ARAP3: variants seen among roughly 807,000 people sequenced by gnomAD.
The protein encoded by ARAP3 is ArfGAP with RhoGAP domain, ankyrin repeat and PH domain 3.
In ARAP3, 82 loss-of-function variants were observed where a neutral mutation model predicts 169.2. That is an observed-to-expected ratio of 0.48 (90% CI 0.41 to 0.58). The LOEUF (loss-of-function observed/expected upper bound fraction) is 0.58, where lower values mean the gene tolerates loss of function less well. Ranked by LOEUF, ARAP3 falls within the 20% of genes least tolerant of loss-of-function variation. The probability of loss-of-function intolerance (pLI) is 0.00; values close to 1 mark genes in which losing one functional copy is unlikely to be tolerated. For synonymous variants in ARAP3, 791 were observed against 800.3 expected (o/e 0.99, Z 0.20); for missense variants, 1,764 against 2,018.0 (o/e 0.87, Z 2.41).
chr5:141,660,493 CAAAAAAAAA>C (rs549366104), intron 21 of ARAP3, among the ~76,000 whole-genome samples: 1 of 91,334 alleles, frequency 1.1e-5, no homozygotes, highest in South Asian at 3.4e-4. Flanking sequence ...GACTCCGTCT[CAAAAAAAAA>C]AAAAAAGAAA....
At position 141,671,659 on chromosome 5, in the gene ARAP3, G is replaced by C; in HGVS notation, c.1765C>G (p.Pro589Ala). 6.2e-7 allele frequency: 1 copy of C among 1,613,986 alleles called. No individual in the cohort carries two copies. The highest frequency in any genetic ancestry group is 8.5e-7 in the Non-Finnish European group (1 of 1,179,936). ...EGLHPDATPG[P>A]RGEFISRKYR... Reference sequence around the variant, plus strand: ...TTTCGGGAGATGAACTCTCCCCGGGGGCCAGGGGTCGCATCTGGATGTAGT... The same window carrying C: ...TTTCGGGAGATGAACTCTCCCCGGGCGCCAGGGGTCGCATCTGGATGTAGT... The change falls in exon 12 of 33, where the codon CCC (proline) becomes GCC (alanine). Residue 589 changes from proline (P) to alanine (A), a missense_variant. Physicochemically the swap from Pro to Ala is conservative, Grantham distance 27. Coordinates refer to ENST00000239440, the MANE Select transcript of ARAP3 (RefSeq NM_022481.6). The surrounding 1 kb of genome is among the most constrained non-coding windows in gnomAD (Gnocchi z 4.9).
chr5:141,666,039 C>CAAAAAA (rs764552450), intron 17 of ARAP3, among the ~76,000 whole-genome samples: 8 of 116,262 alleles, frequency 6.9e-5, no homozygotes, highest in East Asian at 5.1e-4. Context: ...ACTCTGTCTC[C>CAAAAAA]AAAAAAAAAA....
At chr5:141,669,840 G>A (rs3763120) in intron 15 of ARAP3, 29 bp from the exon 16 acceptor site, 713,248 of 1,613,216 alleles carry the variant, frequency 0.44, 159,087 homozygotes, top group Admixed American at 0.54. Context: ...CAGGGAGGAG[G>A]ATGGGACCAA....
rs1310080289 is a variant in ARAP3 at position 141,655,669 on chromosome 5, G to T, written c.4062C>A (p.Ile1354=). 8 of 1,614,102 alleles carry T rather than the reference G, an allele frequency of 5.0e-6. No homozygotes were observed. The South Asian group carries it at 8.8e-5, about 18-fold the overall frequency. Residue 1354 remains isoleucine (I), a synonymous_variant, in exon 31 of 33, where the codon ATC becomes ATA. Transcript: ENST00000239440. ...QKFGTMPLLP[I]RGDDSGATLL... is the part of the protein sequence containing the mutation. ...GGGTGGCTCCACTGTCATCCCCACG[G>T]ATAGGCAGCAAAGGCATAGTGCCAA...
chr5:141,669,230 A>G (rs1360390665), intron 16 of ARAP3, among the ~76,000 whole-genome samples: 4 of 152,212 alleles, frequency 2.6e-5, no homozygotes, highest in African/African-American at 9.6e-5. Flanking sequence ...TGGGAATGGC[A>G]TACAGGAGAG....
chr5:141,663,434 C>T (rs1268867839), intron 19 of ARAP3, among the ~76,000 whole-genome samples: 1 of 152,220 alleles, frequency 6.6e-6, no homozygotes, highest in African/African-American at 2.4e-5. Flanking sequence ...GGATTACAGG[C>T]ACCCGCCACC....
At position 141,671,427 on chromosome 5, in the gene ARAP3, GC is replaced by G. The variant is rs766551605; in HGVS notation, c.1855-28del. ...TGCAGGGAGGGAAGGGCCTCTGTCA[GC>G]CCCAAATCCCAAACTGAGAGCACTG... On this transcript the variant is annotated intron_variant, in intron 12 of 32. Coordinates refer to ENST00000239440, the MANE Select transcript of ARAP3 (RefSeq NM_022481.6). The surrounding 1 kb of genome is among the most constrained non-coding windows in gnomAD (Gnocchi z 4.9). 7 of 1,597,872 alleles carry G rather than the reference GC, an allele frequency of 4.4e-6. No homozygotes were observed. The highest frequency in any genetic ancestry group is 6.0e-6 in the Non-Finnish European group (7 of 1,171,366).
chr5:141,664,477 C>T (rs1261627249), intron 19 of ARAP3, among the ~76,000 whole-genome samples: 1 of 152,164 alleles, frequency 6.6e-6, no homozygotes. Context: ...AAACCTCCCA[C>T]ACAGAATAAT....
At position 141,673,382 on chromosome 5, in the gene ARAP3, A is replaced by G; in HGVS notation, c.972+19T>C. The G allele has an allele frequency of 6.2e-7, 1 of 1,613,410 alleles. No homozygotes were observed. The highest frequency in any genetic ancestry group is 8.5e-7 in the Non-Finnish European group (1 of 1,179,820). On this transcript the variant is annotated intron_variant, in intron 6 of 32. Transcript: ENST00000239440. The stretch of plus-strand genomic sequence containing the variant: ...CCCTCTCCCTCATCTCCATATCGTC[A>G]CATCTCCCAGCCCCCCACCTTGTCA...
chr5:141,660,288 C>T (rs908699344), intron 21 of ARAP3, among the ~76,000 whole-genome samples: 1 of 151,880 alleles, frequency 6.6e-6, no homozygotes, highest in Admixed American at 6.6e-5. Flanking sequence ...GTCAGGAGAT[C>T]GAGACCATCC....
At position 141,672,528 on chromosome 5, in the gene ARAP3, G is replaced by GCCTC. The variant is rs891707781; in HGVS notation, c.1385+20_1385+23dup. On this transcript the variant is annotated intron_variant, in intron 9 of 32. Coordinates refer to ENST00000239440, the MANE Select transcript of ARAP3 (RefSeq NM_022481.6). This position sits in a 1 kb window ranked among gnomAD's most constrained non-coding sequence, Gnocchi z 4.9. ...CCTCCCGCAAAAGTCCCCCAGCCTT[G>GCCTC]CCTCCCACTGGCCCAGGCCCCACCT... The GCCTC allele has an allele frequency of 6.8e-5, 110 of 1,612,620 alleles. No individual in the cohort carries two copies. The highest frequency in any genetic ancestry group is 8.6e-5 in the Non-Finnish European group (101 of 1,179,276).
chr5:141,659,509 C>T (rs1554222936), intron 22 of ARAP3, 33 bp from the exon 23 acceptor site: 3 of 1,608,522 alleles, frequency 1.9e-6, no homozygotes, highest in South Asian at 1.1e-5. Context: ...TGTTGGGGTG[C>T]TGGAAGAGGA....
At chr5:141,654,856 C>T (rs2099908999) in intron 32 of ARAP3, among the ~76,000 whole-genome samples, 1 of 151,952 alleles carries the variant, frequency 6.6e-6, no homozygotes, top group Non-Finnish European at 1.5e-5. Flanking sequence ...TCTCCTGCCT[C>T]AGCCTCCCAA....
At chr5:141,676,073 T>C (rs2099912142) in intron 4 of ARAP3, among the ~76,000 whole-genome samples, 1 of 152,092 alleles carries the variant, frequency 6.6e-6, no homozygotes, top group African/African-American at 2.4e-5. Flanking sequence ...TAAAAAACTC[T>C]TGTTGGACAG....
At chr5:141,657,894 C>T (rs2099909452) in intron 25 of ARAP3, among the ~76,000 whole-genome samples, 1 of 152,052 alleles carries the variant, frequency 6.6e-6, no homozygotes, top group Non-Finnish European at 1.5e-5. Flanking sequence ...ATTTGAGTTG[C>T]TTGTCAGAAG....
At position 141,680,130 on chromosome 5, in the gene ARAP3, G is replaced by C; in HGVS notation, c.357C>G (p.Ala119=). 6.2e-7 allele frequency: 1 copy of C among 1,611,396 alleles called. No homozygotes were observed. Among genetic ancestry groups the C allele is most frequent in the East Asian group, 2.2e-5 (1 of 44,856 alleles). The stretch of plus-strand genomic sequence containing the variant: ...TCCTGGACACTCCTGGTCCCCCGAG[G>C]GCTGGGCTCAGCCCAGGTCTCTGAG... ...ATTQRPGLSP[A]LGGPGVSRSP... Residue 119 remains alanine (A), a synonymous_variant, in exon 2 of 33, where the codon GCC becomes GCG. Coordinates refer to ENST00000239440, the MANE Select transcript of ARAP3 (RefSeq NM_022481.6).
chr5:141,661,052 C>CCTTTTCT (rs2099909900), intron 21 of ARAP3, among the ~76,000 whole-genome samples: 1 of 149,938 alleles, frequency 6.7e-6, no homozygotes, highest in African/African-American at 2.5e-5. Flanking sequence ...CTTTTTTTTT[C>CCTTTTCT]CTTTTTTCTT....
intron 24 of ARAP3, 40 bp from the exon 25 acceptor site, chr5:141,658,519 G>A (rs762858495): frequency 2.5e-6 from 4 of 1,613,652 alleles, no homozygotes; most frequent in Non-Finnish European, 2.5e-6. Context: ...TGCTGGTCAG[G>A]CTATTGCCCC....
rs755537513 is a variant in ARAP3, at chr5:141,672,685, T to C, written c.1279-27A>G. On this transcript the variant is annotated intron_variant, in intron 8 of 32. Transcript: ENST00000239440. The surrounding 1 kb of genome is among the most constrained non-coding windows in gnomAD (Gnocchi z 4.9). ...TGGTGGGGTCAGGGGGTGGGCATCA[T>C]GAGGTGCCAGAAGGGACTAGTTCAG... 1.2e-6 allele frequency: 2 copies of C among 1,613,844 alleles called. No homozygotes were observed. The highest frequency in any genetic ancestry group is 1.7e-6 in the Non-Finnish European group (2 of 1,179,816).
Sources: allele counts gnomAD v4.1 joint callset (sites outside exome capture counted in the v4.1 genomes callset), GRCh38; gene constraint gnomAD v4.1.1; non-coding constraint Gnocchi (gnomAD v3.1); transcripts MANE v1.5; gene names NCBI Gene and HGNC (gene_info 2026-07-23, HGNC 2026-07-21).